The following LUZP2 variants were observed in gnomAD, a reference collection of about 807,000 sequenced individuals.
The protein encoded by LUZP2 is leucine zipper protein 2.
A neutral mutation model predicts 51.6 loss-of-function variants in LUZP2; 52 were observed. The ratio of observed to expected loss-of-function variants is 1.01; its 90% CI spans 0.81 to 1.27. The LOEUF is 1.27. Ranked by LOEUF, LUZP2 falls within the 50% of genes most tolerant of loss-of-function variation. The pLI, the probability that LUZP2 is intolerant of heterozygous loss-of-function variation, is 0.00. For missense variants in LUZP2, 436 were observed against 395.4 expected (o/e 1.10, Z -0.87); for synonymous variants, 154 against 137.3 (o/e 1.12, Z -0.85).
intron 7 of LUZP2, among the ~76,000 whole-genome samples, chr11:24,927,906 A>C (rs940190065): frequency 4.0e-5 from 6 of 151,840 alleles, no homozygotes; most frequent in African/African-American, 1.2e-4. Context: ...TTTGTCTATG[A>C]TTTCTTTCAG....
intron 5 of LUZP2, among the ~76,000 whole-genome samples, chr11:24,871,421 C>T (rs1590666927): frequency 6.6e-6 from 1 of 152,018 alleles, no homozygotes; most frequent in Non-Finnish European, 1.5e-5. Context: ...CTACCATCAG[C>T]CAGTTATCAT....
At chr11:24,869,340 G>T (rs1012788657) in intron 5 of LUZP2, among the ~76,000 whole-genome samples, 1 of 152,118 alleles carries the variant, frequency 6.6e-6, no homozygotes, top group African/African-American at 2.4e-5. Flanking sequence ...GAAGGTTTGT[G>T]AAAACCTTGT....
At chr11:25,038,119 A>G (rs948360508) in intron 9 of LUZP2, among the ~76,000 whole-genome samples, 1 of 151,818 alleles carries the variant, frequency 6.6e-6, no homozygotes, top group African/African-American at 2.4e-5. Flanking sequence ...GTGGCTTTTT[A>G]TCTCTCCTCT....
At chr11:24,790,112 C>T (rs1849367288) in intron 5 of LUZP2, among the ~76,000 whole-genome samples, 2 of 152,106 alleles carry the variant, frequency 1.3e-5, no homozygotes, top group Admixed American at 1.3e-4. Context: ...TTCACTCTCT[C>T]TTTCATAAAT....
chr11:24,519,403 T>G (rs893825698), intron 1 of LUZP2, among the ~76,000 whole-genome samples: 1 of 152,188 alleles, frequency 6.6e-6, no homozygotes, highest in Non-Finnish European at 1.5e-5. Context: ...AGATAAAGTT[T>G]TGAATGTAAG....
chr11:24,913,550 T>C (rs937931322), intron 6 of LUZP2, among the ~76,000 whole-genome samples: 7 of 152,114 alleles, frequency 4.6e-5, no homozygotes, highest in Non-Finnish European at 8.8e-5. Flanking sequence ...GCAATGTACA[T>C]ATGTTTAATT....
intron 7 of LUZP2, among the ~76,000 whole-genome samples, chr11:24,958,086 A>T (rs1855263933): frequency 6.6e-6 from 1 of 151,964 alleles, no homozygotes. Flanking sequence ...TGAACTCATC[A>T]TTTTTTTATG....
intron 10 of LUZP2, among the ~76,000 whole-genome samples, chr11:25,075,427 A>G (rs1859271808): frequency 1.3e-5 from 2 of 152,204 alleles, no homozygotes; most frequent in African/African-American, 2.4e-5. Context: ...GAACTATTTC[A>G]TGGCCAATAT....
In LUZP2 at chr11:24,687,089, CA is replaced by C. The variant is rs552783661; in HGVS notation, c.63-42079del. 3.4e-3 allele frequency among the ~76,000 whole-genome samples: 517 copies of C among 152,236 alleles called. 2 individuals are homozygous for C. Among genetic ancestry groups the C allele is most frequent in the African/African-American group, 0.012 (486 of 41,572 alleles). The stretch of plus-strand genomic sequence containing the variant: ...ACATTACACTACAGAGTTGTCCATG[CA>C]GCTAAATTTGGTCTGTTTTAAACAA... On this transcript the variant is annotated intron_variant, in intron 1 of 11. Transcript: ENST00000336930.
At chr11:24,856,275 T>C (rs1851561700) in intron 5 of LUZP2, among the ~76,000 whole-genome samples, 1 of 149,216 alleles carries the variant, frequency 6.7e-6, no homozygotes, top group African/African-American at 2.5e-5. Context: ...AGGCAGCAAA[T>C]GATATGAACA....
chr11:24,756,239 A>G (rs1171867589), intron 4 of LUZP2, among the ~76,000 whole-genome samples: 2 of 152,206 alleles, frequency 1.3e-5, no homozygotes, highest in Non-Finnish European at 2.9e-5. Flanking sequence ...ACACTGATTA[A>G]TTCCACATGT....
chr11:24,627,619 T>C (rs1018065475), intron 1 of LUZP2, among the ~76,000 whole-genome samples: 1 of 152,210 alleles, frequency 6.6e-6, no homozygotes, highest in Non-Finnish European at 1.5e-5. Flanking sequence ...GCTTGCAGTA[T>C]GTGAATAACC....
At chr11:24,996,260 A>C (rs1856494283) in intron 9 of LUZP2, among the ~76,000 whole-genome samples, 1 of 151,490 alleles carries the variant, frequency 6.6e-6, no homozygotes, top group Admixed American at 6.6e-5. Flanking sequence ...GTTTTCTATT[A>C]AATAAATAAT....
At chr11:24,617,486 A>G (rs1854327989) in intron 1 of LUZP2, among the ~76,000 whole-genome samples, 1 of 152,062 alleles carries the variant, frequency 6.6e-6, no homozygotes, top group Non-Finnish European at 1.5e-5. Flanking sequence ...TTCAGTTGAG[A>G]TTTCAGTGAT....
chr11:24,568,466 A>G (rs759197486), intron 1 of LUZP2, among the ~76,000 whole-genome samples: 21 of 152,134 alleles, frequency 1.4e-4, no homozygotes, highest in Non-Finnish European at 2.5e-4. Context: ...ATGATAAAAA[A>G]TTAATCTATT....
At chr11:24,663,716 T>G (rs1463228275) in intron 1 of LUZP2, among the ~76,000 whole-genome samples, 2 of 152,074 alleles carry the variant, frequency 1.3e-5, no homozygotes, top group African/African-American at 4.8e-5. Context: ...CCATGCATCC[T>G]GGGAGGGACC....
intron 5 of LUZP2, among the ~76,000 whole-genome samples, chr11:24,833,639 T>A (rs975035983): frequency 1.3e-5 from 2 of 152,014 alleles, no homozygotes; most frequent in African/African-American, 4.8e-5. Context: ...CGAATCAGAA[T>A]TTCAGTGTAG....
At chr11:24,982,162 A>G (rs978821909) in intron 8 of LUZP2, among the ~76,000 whole-genome samples, 1 of 151,956 alleles carries the variant, frequency 6.6e-6, no homozygotes, top group African/African-American at 2.4e-5. Context: ...AGTTAGTGGG[A>G]GTGTAAATTA....
intron 1 of LUZP2, among the ~76,000 whole-genome samples, chr11:24,539,614 C>T (rs550858882): frequency 2.6e-5 from 4 of 151,948 alleles, no homozygotes; most frequent in African/African-American, 9.6e-5. Flanking sequence ...CTCAGAAACT[C>T]GTTGAATATT....
Sources: gnomAD v4.1 joint callset for allele counts (sites outside exome capture counted in the v4.1 genomes callset) on GRCh38, gnomAD v4.1.1 for gene constraint, MANE v1.5 for transcripts, NCBI Gene and HGNC (gene_info 2026-07-23, HGNC 2026-07-21) for gene names.